RELB: variants seen among roughly 807,000 people sequenced by gnomAD.
RELB encodes the protein RELB proto-oncogene, NF-kB subunit.
In RELB, 14 loss-of-function variants were observed where a neutral mutation model predicts 55.4. That is an observed-to-expected ratio of 0.25 (90% confidence interval 0.17 to 0.40). The LOEUF (loss-of-function observed/expected upper bound fraction) is 0.40. RELB is among the 10% of genes least tolerant of loss of function. The pLI is 1.00. For synonymous variants in RELB, 409 were observed against 371.3 expected, an observed-to-expected ratio of 1.10 and a Z score of -1.17; for missense variants, 669 against 830.7, an observed-to-expected ratio of 0.81 and a Z score of 2.39.
intron 1 of RELB, among the ~76,000 whole-genome samples, chr19:45,002,163 A>C (rs112374429): frequency 0.026 from 2,066 of 80,952 alleles, 55 homozygotes; most frequent in African/African-American, 0.091. Flanking sequence ...GGCCGAAAGA[A>C]GGGGAAGGGG....
chr19:45,006,136 C>T (rs1025662227), intron 2 of RELB, among the ~76,000 whole-genome samples: 2 of 152,118 alleles, frequency 1.3e-5, no homozygotes, highest in Non-Finnish European at 1.5e-5. Context: ...TATGAAGAAA[C>T]CTTGGGGTCA....
chr19:45,008,713 G>A lies in RELB; in HGVS notation c.155-1101G>A, dbSNP rs569941730. 356 of 352,728 alleles carry A rather than the reference G, an allele frequency of 1.0e-3. 1 individual carries two copies. The highest frequency in any genetic ancestry group is 6.9e-3 in the African/African-American group (323 of 47,040). 21.8% of individuals were successfully genotyped at this position (352,728 alleles called of 1,614,324 possible). A position where few individuals can be genotyped will look rare whatever the true frequency, so the allele number is the denominator to read the frequency against. On this transcript the variant is annotated intron_variant, in intron 2 of 11. Transcript: ENST00000221452. ...AGAACAGAGGAGGACAGATCTAGCA[G>A]CGGAACAGGTTCGCGTCTATAAATC...
rs372256791 is a variant in RELB, at chr19:45,022,163, C to T, written c.615C>T (p.Asp205=). 211 of 1,612,254 alleles carry T rather than the reference C, an allele frequency of 1.3e-4. 2 individuals carry two copies. The Admixed American group carries it at 3.1e-3, about 23-fold the overall frequency. ...GCCTCGTGGGGAAAGACTGCACCGA[C>T]GGCATCTGCAGGGTGCGGCTCCGGC... ...PHSLVGKDCT[D]GICRVRLRPH... is the part of the protein sequence containing the mutation. Residue 205 remains aspartate, a synonymous_variant, in exon 5 of 12, where the codon GAC becomes GAT. Transcript: ENST00000221452.
chr19:45,022,189 C>A lies in RELB; in HGVS notation c.641C>A (p.Pro214His). The A allele has an allele frequency of 6.2e-7, 1 of 1,606,344 alleles. No individual in the cohort carries two copies. Among genetic ancestry groups the A allele is most frequent in the Non-Finnish European group, 8.5e-7 (1 of 1,178,200 alleles). The change falls in exon 5 of 12, where the codon CCT becomes CAT. Residue 214 changes from proline (P) to histidine (H), a missense_variant. This residue lies in a region of RELB where 323 missense variants were observed against 368.5 expected (regional missense o/e 0.88). Coordinates refer to ENST00000221452, the MANE Select transcript of RELB (RefSeq NM_006509.4). ...GGCATCTGCAGGGTGCGGCTCCGGC[C>A]TCACGTCAGCCCCCGGCACAGGTAC... ...TDGICRVRLR[P>H]HVSPRHSFNN...
At chr19:45,029,063 G>A (rs1011862709) in intron 8 of RELB, 71 bp downstream of exon 8, 9 of 1,059,512 alleles carry the variant, frequency 8.5e-6, no homozygotes, top group African/African-American at 3.2e-5. Flanking sequence ...CAGGGAGCCC[G>A]GGAAGATGAA....
rs376305817 is a variant in RELB, at chr19:45,025,431, C to A, written c.754+11C>A. On this transcript the variant is annotated intron_variant, in intron 6 of 11. Coordinates refer to ENST00000221452, the MANE Select transcript of RELB (RefSeq NM_006509.4). Reference sequence around the variant, plus strand: ...TTGACCCCTACAACGGTGAGCACCCCCTGCCTGACCTGACCATCCCGTCCT... The same window carrying A: ...TTGACCCCTACAACGGTGAGCACCCACTGCCTGACCTGACCATCCCGTCCT... 6.0e-5 allele frequency: 97 copies of A among 1,605,538 alleles called. No homozygotes were observed. In the African/African-American group the frequency reaches 1.0e-3, roughly 17 times the overall value.
rs550301756 is a variant in RELB, at chr19:45,022,118, T to A, written c.570T>A (p.Pro190=). Residue 190 remains proline (P), a synonymous_variant, in exon 5 of 12, where the codon CCT becomes CCA. Transcript: ENST00000221452. ...CCTGCCTGGTGTGGAAGGACTGGCC[T>A]CACCGAGTCCACCCCCACAGCCTCG... The part of the protein sequence containing the change: ...VTACLVWKDW[P]HRVHPHSLVG... 1.1e-5 allele frequency: 18 copies of A among 1,613,530 alleles called. No homozygotes were observed. The Middle Eastern group carries it at 5.0e-4, about 45-fold the overall frequency.
At chr19:45,025,275 G>T in intron 5 of RELB, 54 bp from the exon 6 acceptor site, 2 of 1,300,096 alleles carry the variant, frequency 1.5e-6, no homozygotes, top group South Asian at 2.5e-5. Flanking sequence ...TGCAGGTTAG[G>T]GCCACACTTG....
At chr19:45,023,722 G>A (rs1282533023) in intron 5 of RELB, among the ~76,000 whole-genome samples, 3 of 134,610 alleles carry the variant, frequency 2.2e-5, no homozygotes, top group African/African-American at 8.4e-5. Context: ...ACAGGTGTGA[G>A]CCCACTGTGC....
intron 5 of RELB, among the ~76,000 whole-genome samples, chr19:45,022,769 G>A (rs530484410): frequency 2.0e-5 from 3 of 152,124 alleles, no homozygotes; most frequent in Non-Finnish European, 4.4e-5. Flanking sequence ...GGCTGGTCTC[G>A]AACTGCTGAC....
intron 7 of RELB, among the ~76,000 whole-genome samples, chr19:45,027,294 A>G (rs11881101): frequency 0.76 from 115,426 of 150,930 alleles, 44,776 homozygotes; most frequent in South Asian, 0.84. Context: ...AGAATAAGTT[A>G]TTCTATTTGT....
intron 4 of RELB, among the ~76,000 whole-genome samples, chr19:45,017,472 G>GAAAAAAAAAAAAA (rs1600071013): frequency 1.2e-5 from 1 of 81,248 alleles, no homozygotes; most frequent in African/African-American, 7.4e-5. Flanking sequence ...AACAATTCTG[G>GAAAAAAAAAAAAA]AAATCCGAAA....
In RELB at chr19:45,025,419, C is replaced by T. The variant is rs200428581; in HGVS notation, c.753C>T (p.Asn251=). ...TTCAACTGGGCATTGACCCCTACAA[C>T]GGTGAGCACCCCCTGCCTGACCTGA... ...RKIQLGIDPY[N]AGSLKNHQEV... is the part of the protein sequence containing the mutation. The change falls in exon 6 of 12, where the codon AAC becomes AAT. Residue 251 remains asparagine (N), a splice_region_variant and synonymous_variant. Transcript: ENST00000221452. 29 of 1,610,202 alleles carry T rather than the reference C, an allele frequency of 1.8e-5. No individual in the cohort carries two copies. The highest frequency in any genetic ancestry group is 6.7e-5 in the African/African-American group (5 of 74,974).
chr19:45,013,684 T>G (rs909793146), intron 4 of RELB, among the ~76,000 whole-genome samples: 9 of 150,842 alleles, frequency 6.0e-5, no homozygotes, highest in African/African-American at 2.2e-4. Context: ...AATACAAAAT[T>G]AGTGCGGCGT....
chr19:45,037,155 C>A (rs896694640), intron 11 of RELB, among the ~76,000 whole-genome samples: 2 of 151,998 alleles, frequency 1.3e-5, no homozygotes, highest in Non-Finnish European at 2.9e-5. Flanking sequence ...ACATGCCTGG[C>A]CTGTAGTTCC....
At position 45,022,188 on chromosome 19, in the gene RELB, C is replaced by A; in HGVS notation, c.640C>A (p.Pro214Thr). The A allele has an allele frequency of 1.2e-6, 2 of 1,606,558 alleles. No homozygotes were observed. The highest frequency in any genetic ancestry group is 1.1e-5 in the South Asian group (1 of 90,798). The change falls in exon 5 of 12, where the codon CCT becomes ACT. Residue 214 changes from proline (P) to threonine (T), a missense_variant. Coordinates refer to ENST00000221452, the MANE Select transcript of RELB (RefSeq NM_006509.4). ...CGGCATCTGCAGGGTGCGGCTCCGG[C>A]CTCACGTCAGCCCCCGGCACAGGTA... is the stretch of plus-strand genomic sequence containing the variant. ...TDGICRVRLR[P>T]HVSPRHSFNN...
chr19:45,009,872 T>G, intron 3 of RELB, 50 bp downstream of exon 3: 2 of 1,549,482 alleles, frequency 1.3e-6, no homozygotes, highest in South Asian at 1.1e-5. Flanking sequence ...CCCAAGTGCC[T>G]ACAGAAGGGG....
intron 8 of RELB, 115 bp downstream of exon 8, chr19:45,029,107 G>C (rs986275327): frequency 1.1e-5 from 8 of 705,980 alleles, no homozygotes; most frequent in Non-Finnish European, 2.0e-5. Flanking sequence ...CAGGGCACCA[G>C]AGTGCAAGGG....
intron 4 of RELB, among the ~76,000 whole-genome samples, chr19:45,014,382 G>A (rs1017077013): frequency 1.3e-5 from 2 of 151,836 alleles, no homozygotes; most frequent in Non-Finnish European, 2.9e-5. Context: ...TGTTGTCCAG[G>A]CTGGTCTTGA....
Sources: allele counts gnomAD v4.1 joint callset (sites outside exome capture counted in the v4.1 genomes callset), GRCh38; gene constraint gnomAD v4.1.1; regional missense constraint gnomAD v4.1.1; transcripts MANE v1.5; gene names NCBI Gene and HGNC (gene_info 2026-07-23, HGNC 2026-07-21).